NMUR1: variants seen among roughly 807,000 people sequenced by gnomAD.
NMUR1 encodes neuromedin U receptor 1.
In NMUR1, 16 loss-of-function variants were observed where a neutral mutation model predicts 18.8. The observed-to-expected ratio is 0.85, with a 90% CI of 0.58 to 1.29. The LOEUF is 1.29. Ranked by LOEUF, NMUR1 falls within the 50% of genes most tolerant of loss-of-function variation. NMUR1 has a pLI of 0.00. For synonymous variants in NMUR1, 258 were observed against 258.2 expected (o/e 1.00, Z 0.01); for missense variants, 529 against 580.3 (o/e 0.91, Z 0.91).
chr2:231,520,570 G>A (rs540539266), downstream of NMUR1, among the ~76,000 whole-genome samples: 3 of 152,296 alleles, frequency 2.0e-5, no homozygotes, highest in South Asian at 6.2e-4. Context: ...CAAATGCTAG[G>A]GTGTGCCCCC....
Position 231,528,542 on chromosome 2 carries a change from T to C in NMUR1, c.479A>G (p.Tyr160Cys), listed in dbSNP as rs535650102. The change falls in exon 2 of 3, where the codon TAT (tyrosine) becomes TGT (cysteine). Residue 160 changes from tyrosine (Y) to cysteine (C), a missense_variant. By Grantham distance (194) the Tyr-to-Cys change is radical (BLOSUM62 -2). Coordinates refer to ENST00000305141, the MANE Select transcript of NMUR1 (RefSeq NM_006056.5). ...LNVTALSVERYVAVVHPLQAR... is the reference protein window; with the variant it reads ...LNVTALSVERCVAVVHPLQAR... Reference sequence around the variant, plus strand: ...CTGGAGTGGGTGCACCACGGCCACATAGCGTTCCACGCTCAGGGCAGTGAC... The same window carrying C: ...CTGGAGTGGGTGCACCACGGCCACACAGCGTTCCACGCTCAGGGCAGTGAC... 11 of 1,614,008 alleles carry C rather than the reference T, an allele frequency of 6.8e-6. No homozygotes were observed. In the South Asian group the frequency reaches 1.1e-4, roughly 16 times the overall value.
intron 2 of NMUR1, 38 bp from the exon 3 acceptor site, chr2:231,525,463 A>G (rs2047347504): frequency 1.3e-6 from 2 of 1,566,850 alleles, no homozygotes; most frequent in South Asian, 1.2e-5. Flanking sequence ...TGCCCGCCCG[A>G]GGCCCCTCAG....
At chr2:231,522,067 C>A (rs1324466088), downstream of NMUR1, among the ~76,000 whole-genome samples, 3 of 148,296 alleles carry the variant, frequency 2.0e-5, no homozygotes, top group African/African-American at 7.5e-5. Context: ...GCAGCCTCGA[C>A]CTCCTGGGCT....
chr2:231,528,438 G>A lies in NMUR1; in HGVS notation c.583C>T (p.Pro195Ser). Residue 195 changes from proline (P) to serine (S), a missense_variant, in exon 2 of 3, where the codon CCC becomes TCC. By Grantham distance (74) the Pro-to-Ser change is moderately conservative (BLOSUM62 -1). Transcript: ENST00000305141. ...CGGATGCCGTGCAGGCTGGTGTTGG[G>A]CAGGGAGCAGAGCATGGCAAGACCC... The part of the protein sequence containing the change: ...VWGLAMLCSL[P>S]NTSLHGIRQL... The A allele has an allele frequency of 6.2e-7, 1 of 1,613,668 alleles. No homozygotes were observed. Among genetic ancestry groups the A allele is most frequent in the South Asian group, 1.1e-5 (1 of 91,074 alleles).
chr2:231,528,027 TA>T, intron 2 of NMUR1, 95 bp downstream of exon 2: 2 of 1,318,008 alleles, frequency 1.5e-6, no homozygotes, highest in Non-Finnish European at 2.0e-6. Context: ...TCGTCCCCCA[TA>T]AACCCAGATA....
In NMUR1 at chr2:231,528,621, A is replaced by C. The variant is rs2047382994; in HGVS notation, c.400T>G (p.Cys134Gly). ...TCAAACAGTAGCGTGCGGAAATAGC[A>C]GCCACCAACGCCCAGCAGGAAGGGG... The part of the protein sequence containing the change: ...NYPFLLGVGG[C>G]YFRTLLFEMV... The change falls in exon 2 of 3, where the codon TGC (cysteine) becomes GGC (glycine). Residue 134 changes from cysteine (C) to glycine (G), a missense_variant. Coordinates refer to ENST00000305141, the MANE Select transcript of NMUR1 (RefSeq NM_006056.5). 6.2e-7 allele frequency: 1 copy of C among 1,614,220 alleles called. No individual in the cohort carries two copies. Among genetic ancestry groups the C allele is most frequent in the South Asian group, 1.1e-5 (1 of 91,088 alleles).
At position 231,528,306 on chromosome 2, in the gene NMUR1, A is replaced by G. The variant is rs1237560623; in HGVS notation, c.715T>C (p.Phe239Leu). Residue 239 changes from phenylalanine (F) to leucine (L), a missense_variant, in exon 2 of 3, where the codon TTC (phenylalanine) becomes CTC (leucine). Phe to Leu is a conservative substitution (Grantham distance 22). Coordinates refer to ENST00000305141, the MANE Select transcript of NMUR1 (RefSeq NM_006056.5). ...NMVVQTTALL[F>L]FCLPMAIMSV... ...ATGATGGCCATGGGCAGGCAGAAGA[A>G]GAGCAGCGCGGTGGTCTGCACTACC... The G allele has an allele frequency of 6.2e-7, 1 of 1,613,098 alleles. No homozygotes were observed. Among genetic ancestry groups the G allele is most frequent in the East Asian group, 2.2e-5 (1 of 44,870 alleles).
chr2:231,521,531 A>G (rs756386570), downstream of NMUR1, among the ~76,000 whole-genome samples: 1 of 152,174 alleles, frequency 6.6e-6, no homozygotes, highest in Non-Finnish European at 1.5e-5. Flanking sequence ...GGGTCTCCAG[A>G]GCTGCAGGAA....
At chr2:231,529,486 A>G (rs1424966132) in intron 1 of NMUR1, among the ~76,000 whole-genome samples, 1 of 139,370 alleles carries the variant, frequency 7.2e-6, no homozygotes. Flanking sequence ...AACAACGAAA[A>G]AGTAAAAATC....
At chr2:231,526,664 T>C (rs3821001) in intron 2 of NMUR1, among the ~76,000 whole-genome samples, 42,441 of 151,972 alleles carry the variant, frequency 0.28, 6,565 homozygotes, top group East Asian at 0.5. Flanking sequence ...GTCTGAGGGG[T>C]GAGAGGAGCG....
chr2:231,519,607 C>T (rs2047290575), downstream of NMUR1, among the ~76,000 whole-genome samples: 1 of 152,192 alleles, frequency 6.6e-6, no homozygotes, highest in Non-Finnish European at 1.5e-5. Context: ...ACCTCTCAGT[C>T]CAGTCTGACT....
At chr2:231,526,907 C>T (rs1161939141) in intron 2 of NMUR1, among the ~76,000 whole-genome samples, 1 of 152,188 alleles carries the variant, frequency 6.6e-6, no homozygotes, top group East Asian at 1.9e-4. Context: ...CACAGAGATC[C>T]AGAGCCTCAT....
At chr2:231,529,043 C>G (rs1215148415) in intron 1 of NMUR1, 26 bp from the exon 2 acceptor site, 37 of 1,564,964 alleles carry the variant, frequency 2.4e-5, no homozygotes, top group Non-Finnish European at 3.1e-5. Flanking sequence ...GAGAGATGCC[C>G]AGAAAGATCA....
At chr2:231,520,868 G>A (rs949712071), downstream of NMUR1, among the ~76,000 whole-genome samples, 9 of 152,214 alleles carry the variant, frequency 5.9e-5, no homozygotes, top group African/African-American at 2.2e-4. Context: ...ATGCAGCTTT[G>A]TTTGTTGATG....
chr2:231,529,500 AT>A (rs1173721517), intron 1 of NMUR1, among the ~76,000 whole-genome samples: 9 of 75,754 alleles, frequency 1.2e-4, no homozygotes, highest in African/African-American at 4.2e-4. Context: ...AAAAATCTAC[AT>A]TTAAAAAAAA....
At chr2:231,519,011 C>T (rs745748467), downstream of NMUR1, among the ~76,000 whole-genome samples, 10 of 152,178 alleles carry the variant, frequency 6.6e-5, no homozygotes, top group South Asian at 2.1e-4. Context: ...TGCCTCTCTT[C>T]GATGCCTGAG....
downstream of NMUR1, among the ~76,000 whole-genome samples, chr2:231,521,542 C>T (rs780500835): frequency 6.6e-6 from 1 of 152,106 alleles, no homozygotes; most frequent in Non-Finnish European, 1.5e-5. Context: ...GCTGCAGGAA[C>T]CATCAGTAGC....
chr2:231,520,130 TA>T (rs1413208072), downstream of NMUR1, among the ~76,000 whole-genome samples: 4 of 152,214 alleles, frequency 2.6e-5, 1 homozygote, highest in Non-Finnish European at 4.4e-5. Flanking sequence ...AGATAACTGC[TA>T]GTAGAACAAA....
At chr2:231,526,449 G>A (rs1469788130) in intron 2 of NMUR1, among the ~76,000 whole-genome samples, 2 of 152,198 alleles carry the variant, frequency 1.3e-5, no homozygotes, top group African/African-American at 4.8e-5. Context: ...CCTTCCAGGG[G>A]TGAGCCACCC....
Sources: gnomAD v4.1 joint callset for allele counts (sites outside exome capture counted in the v4.1 genomes callset) on GRCh38, gnomAD v4.1.1 for gene constraint, MANE v1.5 for transcripts, NCBI Gene and HGNC (gene_info 2026-07-23, HGNC 2026-07-21) for gene names.